SGCZ: variants seen among roughly 807,000 people sequenced by gnomAD.
SGCZ encodes sarcoglycan zeta.
In SGCZ, 40 loss-of-function variants were observed where a neutral mutation model predicts 41.3. That is an observed-to-expected ratio of 0.97 (90% CI 0.75 to 1.26). The LOEUF is 1.26. SGCZ is among the 50% of genes most tolerant of loss of function. The pLI is 0.00. For missense variants in SGCZ, 552 were observed against 369.8 expected, an observed-to-expected ratio of 1.49 and a Z score of -4.04; for synonymous variants, 206 against 137.5, an observed-to-expected ratio of 1.50 and a Z score of -3.49.
At chr8:14,592,524 C>T (rs1017989922) in intron 1 of SGCZ, among the ~76,000 whole-genome samples, 2 of 151,608 alleles carry the variant, frequency 1.3e-5, no homozygotes, top group Non-Finnish European at 2.9e-5. Flanking sequence ...TTTTTTTCAT[C>T]AGCCTTGGTA....
chr8:14,606,902 T>G (rs184919774), intron 1 of SGCZ, among the ~76,000 whole-genome samples: 23 of 152,300 alleles, frequency 1.5e-4, no homozygotes, highest in Admixed American at 1.5e-3. Context: ...ATTAGAGATA[T>G]GAGGTAAATT....
chr8:14,608,001 T>C (rs896628645), intron 1 of SGCZ, among the ~76,000 whole-genome samples: 1 of 152,322 alleles, frequency 6.6e-6, no homozygotes, highest in East Asian at 1.9e-4. Flanking sequence ...ATAGAAAGAT[T>C]ACATGATTTT....
chr8:14,451,206 T>C (rs759084525), intron 2 of SGCZ, among the ~76,000 whole-genome samples: 1 of 152,180 alleles, frequency 6.6e-6, no homozygotes, highest in South Asian at 2.1e-4. Flanking sequence ...TGAAGAGTGA[T>C]GAAAACAAAA....
chr8:14,240,634 T>C (rs1798848696), intron 3 of SGCZ, among the ~76,000 whole-genome samples: 1 of 152,174 alleles, frequency 6.6e-6, no homozygotes, highest in African/African-American at 2.4e-5. Context: ...TGAACATCAA[T>C]ATAGTATTAA....
intron 5 of SGCZ, among the ~76,000 whole-genome samples, chr8:14,163,180 T>C (rs1804099816): frequency 6.6e-6 from 1 of 152,198 alleles, no homozygotes; most frequent in South Asian, 2.1e-4. Context: ...TTTTTTTAAC[T>C]TTTAAGTTCA....
At chr8:14,962,153 C>T (rs1800985646) in intron 1 of SGCZ, among the ~76,000 whole-genome samples, 2 of 152,110 alleles carry the variant, frequency 1.3e-5, no homozygotes, top group South Asian at 4.1e-4. Flanking sequence ...ATGAAATTCC[C>T]TCAATGGTAT....
intron 1 of SGCZ, among the ~76,000 whole-genome samples, chr8:14,940,857 A>G (rs534720174): frequency 7.7e-4 from 117 of 152,274 alleles, no homozygotes; most frequent in Non-Finnish European, 1.6e-3. Flanking sequence ...TACAACACAT[A>G]TAAACCAAAA....
chr8:14,702,239 C>T (rs775733033), intron 1 of SGCZ, among the ~76,000 whole-genome samples: 30 of 151,894 alleles, frequency 2.0e-4, no homozygotes, highest in Non-Finnish European at 3.7e-4. Flanking sequence ...ACTTGGAAAT[C>T]TCTTTCCTGG....
intron 2 of SGCZ, among the ~76,000 whole-genome samples, chr8:14,530,139 TA>T (rs1315101199): frequency 6.6e-5 from 10 of 152,054 alleles, no homozygotes; most frequent in Admixed American, 2.6e-4. Flanking sequence ...ATTATGGTAT[TA>T]CAGATAATCA....
intron 1 of SGCZ, among the ~76,000 whole-genome samples, chr8:14,900,473 C>T (rs906544139): frequency 1.3e-5 from 2 of 152,016 alleles, no homozygotes; most frequent in African/African-American, 2.4e-5. Context: ...AATCAACCAA[C>T]GAAATCAACT....
chr8:14,130,142 T>A (rs972913180), intron 5 of SGCZ, among the ~76,000 whole-genome samples: 2 of 152,146 alleles, frequency 1.3e-5, no homozygotes, highest in Non-Finnish European at 2.9e-5. Flanking sequence ...TGTAGGCCAA[T>A]AGAATAAAAT....
chr8:14,883,614 G>C (rs1804675943), intron 1 of SGCZ, among the ~76,000 whole-genome samples: 1 of 151,938 alleles, frequency 6.6e-6, no homozygotes, highest in East Asian at 1.9e-4. Flanking sequence ...TTCGGGTCTA[G>C]TTATTAATAT....
intron 1 of SGCZ, among the ~76,000 whole-genome samples, chr8:14,838,698 G>A (rs1245157650): frequency 2.6e-5 from 4 of 152,106 alleles, no homozygotes; most frequent in Non-Finnish European, 5.9e-5. Context: ...CTTTCCCTGT[G>A]ACACGGCTTG....
At chr8:14,130,912 G>A (rs949820654) in intron 5 of SGCZ, among the ~76,000 whole-genome samples, 3 of 152,112 alleles carry the variant, frequency 2.0e-5, no homozygotes, top group African/African-American at 7.2e-5. Flanking sequence ...AAAATATTAG[G>A]GTGGAGTAGC....
intron 1 of SGCZ, among the ~76,000 whole-genome samples, chr8:14,605,700 G>A (rs190845765): frequency 6.6e-6 from 1 of 152,220 alleles, no homozygotes; most frequent in East Asian, 1.9e-4. Flanking sequence ...ATCACAGAGA[G>A]TGTTGACTTC....
intron 2 of SGCZ, among the ~76,000 whole-genome samples, chr8:14,452,238 T>C (rs1349002405): frequency 1.3e-5 from 2 of 152,096 alleles, no homozygotes; most frequent in Non-Finnish European, 2.9e-5. Flanking sequence ...TGATTTCAAC[T>C]ATATGACATT....
chr8:14,514,505 C>T (rs936735986), intron 2 of SGCZ, among the ~76,000 whole-genome samples: 2 of 151,646 alleles, frequency 1.3e-5, no homozygotes, highest in Non-Finnish European at 2.9e-5. Flanking sequence ...ATAGCTAGTA[C>T]ATGAGGTGAA....
At chr8:14,756,944 C>G (rs1244418976) in intron 1 of SGCZ, among the ~76,000 whole-genome samples, 1 of 152,186 alleles carries the variant, frequency 6.6e-6, no homozygotes, top group African/African-American at 2.4e-5. Flanking sequence ...GTAAAAACGG[C>G]AGAATACTTG....
chr8:14,850,512 G>A (rs1803275837), intron 1 of SGCZ, among the ~76,000 whole-genome samples: 1 of 152,170 alleles, frequency 6.6e-6, no homozygotes, highest in South Asian at 2.1e-4. Context: ...AACCAAATAT[G>A]CTGAGTTTTA....
Sources: allele counts gnomAD v4.1 joint callset (sites outside exome capture counted in the v4.1 genomes callset), GRCh38; gene constraint gnomAD v4.1.1; transcripts MANE v1.5; gene names NCBI Gene and HGNC (gene_info 2026-07-23, HGNC 2026-07-21).